FN3KRP: variants seen among roughly 807,000 people sequenced by gnomAD.
FN3KRP encodes fructosamine 3 kinase related protein.
A neutral mutation model predicts 29.8 loss-of-function variants in FN3KRP; 33 were observed. That is an observed-to-expected ratio of 1.11 (90% confidence interval 0.84 to 1.48). The LOEUF (loss-of-function observed/expected upper bound fraction) is 1.48, where lower values mean the gene tolerates loss of function less well. FN3KRP is among the 40% of genes most tolerant of loss of function. The probability of loss-of-function intolerance (pLI) is 0.00; values close to 1 mark genes in which losing one functional copy is unlikely to be tolerated. For missense variants in FN3KRP, 430 were observed against 402.6 expected, an observed-to-expected ratio of 1.07 and a Z score of -0.58; for synonymous variants, 157 against 155.2, an observed-to-expected ratio of 1.01 and a Z score of -0.09.
intron 2 of FN3KRP, 114 bp downstream of exon 2, chr17:82,719,171 GCAGGTGTGTGTTCA>G: frequency 9.8e-7 from 1 of 1,021,780 alleles, no homozygotes; most frequent in South Asian, 1.5e-5. Flanking sequence ...TATTATCTGA[GCAGGTGTGTGTTCA>G]CACCACCCCC....
chr17:82,719,117 C>T lies in FN3KRP; in HGVS notation c.293+60C>T, dbSNP rs993196250. 1.3e-5 allele frequency: 20 copies of T among 1,487,484 alleles called. No individual in the cohort carries two copies. In the African/African-American group the frequency reaches 1.4e-4, roughly 11 times the overall value. 92.1% of individuals were successfully genotyped at this position (1,487,484 alleles called of 1,614,324 possible). A position where few individuals can be genotyped will look rare whatever the true frequency, so the allele number is the denominator to read the frequency against. ...TACCTGAGCAGGTGTGTCTTCACAC[C>T]TTGTTTTATTATGTGTGTCTTCACA... is the stretch of plus-strand genomic sequence containing the variant. On this transcript the variant is annotated intron_variant, in intron 2 of 5. Coordinates refer to ENST00000269373, the MANE Select transcript of FN3KRP (RefSeq NM_024619.4).
intron 3 of FN3KRP, 29 bp from the exon 4 acceptor site, chr17:82,722,775 A>G: frequency 6.2e-7 from 1 of 1,610,438 alleles, no homozygotes; most frequent in Non-Finnish European, 8.5e-7. Flanking sequence ...CTTGGAACTA[A>G]TTTCCTTTCT....
Position 82,727,367 on chromosome 17 carries a change from A to G in FN3KRP, c.*196A>G. ...CCACTTTGTGGGGCTTTGTAGGTAG[A>G]CGGAGCCACACTACAGGCAGGGTAT... is the stretch of plus-strand genomic sequence containing the variant. On this transcript the variant is annotated 3_prime_UTR_variant, in exon 6 of 6. Transcript: ENST00000269373. 3 of 556,848 alleles carry G rather than the reference A, an allele frequency of 5.4e-6. No individual in the cohort carries two copies. The highest frequency in any genetic ancestry group is 3.0e-5 in the East Asian group (1 of 33,838). The allele number at this position is 556,848 out of a possible 1,614,324, so 34.5% of individuals were successfully genotyped here.
intron 4 of FN3KRP, among the ~76,000 whole-genome samples, chr17:82,723,238 T>G (rs2246559): frequency 0.61 from 92,465 of 152,004 alleles, 28,827 homozygotes; most frequent in South Asian, 0.69. Context: ...CATTTCCACC[T>G]GGGGAGTTCT....
chr17:82,726,714 G>T, intron 5 of FN3KRP, 112 bp downstream of exon 5: 1 of 1,513,844 alleles, frequency 6.6e-7, no homozygotes, highest in East Asian at 2.3e-5. Context: ...TGGGTGGGAA[G>T]CGGGTGCCTG....
intron 3 of FN3KRP, among the ~76,000 whole-genome samples, chr17:82,720,609 T>TAA (rs1202571889): frequency 1.3e-5 from 2 of 152,208 alleles, no homozygotes; most frequent in African/African-American, 4.8e-5. Flanking sequence ...CCCCTAGTGT[T>TAA]ACAGTTACTT....
At position 82,727,476 on chromosome 17, in the gene FN3KRP, G is replaced by T. The variant is rs112990290; in HGVS notation, c.*305G>T. On this transcript the variant is annotated 3_prime_UTR_variant, in exon 6 of 6. Coordinates refer to ENST00000269373, the MANE Select transcript of FN3KRP (RefSeq NM_024619.4). ...GGAAACTGTAAGTGAACCCCTGTGG[G>T]TGCGGGGGAGGGTATCCGGTGCGCA... 79 of 280,440 alleles carry T rather than the reference G, an allele frequency of 2.8e-4. No individual in the cohort carries two copies. Among genetic ancestry groups the T allele is most frequent in the African/African-American group, 1.6e-3 (76 of 46,558 alleles). The allele number at this position is 280,440 out of a possible 1,614,324, so 17.4% of individuals were successfully genotyped here.
At position 82,727,331 on chromosome 17, in the gene FN3KRP, C is replaced by T. The variant is rs980200937; in HGVS notation, c.*160C>T. On this transcript the variant is annotated 3_prime_UTR_variant, in exon 6 of 6. Coordinates refer to ENST00000269373, the MANE Select transcript of FN3KRP (RefSeq NM_024619.4). ...TATCTAAGAGGAAAGGTTTTGTCAT[C>T]CCAGCGTTGTCCACTTTGTGGGGCT... 5.9e-6 allele frequency: 4 copies of T among 674,520 alleles called. No homozygotes were observed. Among genetic ancestry groups the T allele is most frequent in the Non-Finnish European group, 9.7e-6 (4 of 410,612 alleles). The allele number at this position is 674,520 out of a possible 1,614,324, so 41.8% of individuals were successfully genotyped here.
chr17:82,717,406 C>T (rs1314805034), intron 1 of FN3KRP, among the ~76,000 whole-genome samples: 1 of 152,188 alleles, frequency 6.6e-6, no homozygotes. Context: ...CACACCCTGG[C>T]ATGCTCTGTC....
chr17:82,719,186 C>T lies in FN3KRP; in HGVS notation c.293+129C>T, dbSNP rs569778103. Reference sequence around the variant, plus strand: ...TATTATCTGAGCAGGTGTGTGTTCACACCACCCCCCAGCTGGCTTCATGCC... The same window carrying T: ...TATTATCTGAGCAGGTGTGTGTTCATACCACCCCCCAGCTGGCTTCATGCC... On this transcript the variant is annotated intron_variant, in intron 2 of 5. Coordinates refer to ENST00000269373, the MANE Select transcript of FN3KRP (RefSeq NM_024619.4). The T allele has an allele frequency of 3.7e-5, 31 of 836,408 alleles. No individual in the cohort carries two copies. In the East Asian group the frequency reaches 7.4e-4, roughly 20 times the overall value. The allele number at this position is 836,408 out of a possible 1,614,324, so 51.8% of individuals were successfully genotyped here. A position where few individuals can be genotyped will look rare whatever the true frequency, so the allele number is the denominator to read the frequency against.
chr17:82,720,633 C>T (rs573326297), intron 3 of FN3KRP: 13 of 332,260 alleles, frequency 3.9e-5, no homozygotes, highest in Non-Finnish European at 6.7e-5. Flanking sequence ...CCTCTCGTTC[C>T]CCAGAAGAGT....
chr17:82,724,929 C>G lies in FN3KRP; in HGVS notation c.469-1551C>G, dbSNP rs1255055473. On this transcript the variant is annotated intron_variant, in intron 4 of 5. Transcript: ENST00000269373. ...GTTCACGCCATTCTTCTGCCTCAGC[C>G]TCCTGAGTAGCTGGGACTACAGGTG... Among the ~76,000 whole-genome samples the G allele has an allele frequency of 2.0e-5, 3 of 151,956 alleles. No homozygotes were observed. The East Asian group carries it at 5.9e-4, about 30-fold the overall frequency.
chr17:82,720,415 C>A, intron 3 of FN3KRP, 52 bp downstream of exon 3: 1 of 1,462,896 alleles, frequency 6.8e-7, no homozygotes, highest in Non-Finnish European at 9.5e-7. Context: ...GGACGTTCAG[C>A]CGGTGTGGGC....
rs142819200 is a variant in FN3KRP at position 82,720,384 on chromosome 17, C to T, written c.385+21C>T. 504 of 1,591,604 alleles carry T rather than the reference C, an allele frequency of 3.2e-4. No homozygotes were observed. The African/African-American group carries it at 5.7e-3, about 18-fold the overall frequency. On this transcript the variant is annotated intron_variant, in intron 3 of 5. Coordinates refer to ENST00000269373, the MANE Select transcript of FN3KRP (RefSeq NM_024619.4). ...AGTGGGTATGGCACTGCGCGGGCCA[C>T]GGGTGCTCCCGCCTAGAGGAGGACG...
chr17:82,723,633 G>A (rs1189029764), intron 4 of FN3KRP, among the ~76,000 whole-genome samples: 1 of 152,050 alleles, frequency 6.6e-6, no homozygotes, highest in Non-Finnish European at 1.5e-5. Flanking sequence ...GTGTATGTGT[G>A]CACACGTGTG....
rs959351539 is a variant in FN3KRP, at chr17:82,717,037, G to C, written c.141+141G>C. 3 of 1,098,424 alleles carry C rather than the reference G, an allele frequency of 2.7e-6. No homozygotes were observed. In the African/African-American group the frequency reaches 5.0e-5, roughly 18 times the overall value. 68.0% of individuals were successfully genotyped at this position (1,098,424 alleles called of 1,614,324 possible). A position where few individuals can be genotyped will look rare whatever the true frequency, so the allele number is the denominator to read the frequency against. On this transcript the variant is annotated intron_variant, in intron 1 of 5. Transcript: ENST00000269373. The stretch of plus-strand genomic sequence containing the variant: ...GGGACTGCCGCCGCCGCCCCTTGCG[G>C]GGAACCCTTTGCGCGGGGCGAGCGG...
chr17:82,719,669 C>A (rs1417366151), intron 2 of FN3KRP, among the ~76,000 whole-genome samples: 2 of 152,048 alleles, frequency 1.3e-5, no homozygotes, highest in African/African-American at 4.8e-5. Context: ...GCAGGAGAAT[C>A]ACTTGAACGC....
At chr17:82,716,958 C>A in intron 1 of FN3KRP, 62 bp downstream of exon 1, 1 of 1,512,666 alleles carries the variant, frequency 6.6e-7, no homozygotes, top group Admixed American at 2.3e-5. Context: ...TCGCGGGCCT[C>A]GGCGCGGGGC....
At chr17:82,723,417 G>T (rs1476852573) in intron 4 of FN3KRP, among the ~76,000 whole-genome samples, 1 of 152,030 alleles carries the variant, frequency 6.6e-6, no homozygotes, top group Non-Finnish European at 1.5e-5. Flanking sequence ...GCGGGGAGTG[G>T]TGCCCTCTGG....
Sources: allele counts gnomAD v4.1 joint callset (sites outside exome capture counted in the v4.1 genomes callset), GRCh38; gene constraint gnomAD v4.1.1; transcripts MANE v1.5; gene names NCBI Gene and HGNC (gene_info 2026-07-23, HGNC 2026-07-21).